Variants in CRACD observed in about 807,000 individuals in gnomAD.
CRACD encodes the protein capping protein inhibiting regulator of actin dynamics.
Under a neutral mutation model 106.8 loss-of-function variants are expected in CRACD, and 56 were observed. That is an observed-to-expected ratio of 0.52 (90% CI 0.42 to 0.66). The LOEUF (loss-of-function observed/expected upper bound fraction) is 0.66. Ranked by LOEUF, CRACD falls within the 30% of genes least tolerant of loss-of-function variation. The pLI, the probability that CRACD is intolerant of heterozygous loss-of-function variation, is 0.00. For missense variants in CRACD, 1,730 were observed against 1,623.2 expected, an observed-to-expected ratio of 1.07 and a Z score of -1.13; for synonymous variants, 754 against 670.8, an observed-to-expected ratio of 1.12 and a Z score of -1.92.
chr4:56,233,714 A>G (rs1349641526), intron 2 of CRACD, among the ~76,000 whole-genome samples: 1 of 152,182 alleles, frequency 6.6e-6, no homozygotes, highest in Non-Finnish European at 1.5e-5. Context: ...TGAATTTGAG[A>G]ATCAGTCAAC....
At chr4:56,125,009 A>T (rs556969834) in intron 1 of CRACD, among the ~76,000 whole-genome samples, 5 of 152,336 alleles carry the variant, frequency 3.3e-5, no homozygotes, top group African/African-American at 1.2e-4. Flanking sequence ...ACAGGTGTTC[A>T]AAAAATTAAT....
chr4:56,323,629 C>A, intron 9 of CRACD, 62 bp downstream of exon 9: 1 of 1,424,274 alleles, frequency 7.0e-7, no homozygotes, highest in South Asian at 1.5e-5. Flanking sequence ...TTTTCAGTCA[C>A]AAGGATACAA....
Position 56,099,973 on chromosome 4 carries a change from T to C in CRACD, c.-336+50674T>C, listed in dbSNP as rs568939896. On this transcript the variant is annotated intron_variant, in intron 1 of 10. Coordinates refer to ENST00000682029, the MANE Select transcript of CRACD (RefSeq NM_001393381.1). Reference sequence around the variant, plus strand: ...AATAAAGACAACTGGCCAGGCACGGTGGCTCATGCCTGTAATCCCAGCACT... The same window carrying C: ...AATAAAGACAACTGGCCAGGCACGGCGGCTCATGCCTGTAATCCCAGCACT... 5.3e-5 allele frequency among the ~76,000 whole-genome samples: 8 copies of C among 152,326 alleles called. 1 individual carries two copies. In the South Asian group the frequency reaches 1.7e-3, roughly 32 times the overall value.
rs536932326 is a variant in CRACD, at chr4:56,228,802, T to C, written c.-188-43519T>C. On this transcript the variant is annotated intron_variant, in intron 2 of 10. Transcript: ENST00000682029. ...CAGCAGAGAACATCTGATGATACTT[T>C]ATGTAGGTTAGTGAAAAGTATATTG... is the stretch of plus-strand genomic sequence containing the variant. Among the ~76,000 whole-genome samples, 10 of 152,158 alleles carry C rather than the reference T, an allele frequency of 6.6e-5. No homozygotes were observed. In the East Asian group the frequency reaches 1.9e-3, roughly 29 times the overall value.
intron 2 of CRACD, among the ~76,000 whole-genome samples, chr4:56,257,735 T>C (rs1409569046): frequency 6.6e-6 from 1 of 152,076 alleles, no homozygotes; most frequent in African/African-American, 2.4e-5. Flanking sequence ...CTTTTTCTGA[T>C]TCTGGAGAGA....
chr4:56,270,997 C>T (rs922038216), intron 2 of CRACD, among the ~76,000 whole-genome samples: 6 of 150,324 alleles, frequency 4.0e-5, no homozygotes, highest in East Asian at 2.0e-4. Flanking sequence ...CCCAGCTACT[C>T]GGGAGGCTGA....
chr4:56,112,173 A>G (rs1734141853), intron 1 of CRACD, among the ~76,000 whole-genome samples: 1 of 152,174 alleles, frequency 6.6e-6, no homozygotes, highest in South Asian at 2.1e-4. Context: ...ATCAAGCTGA[A>G]TTCTGCTTGC....
chr4:56,054,863 C>T (rs991013819), intron 1 of CRACD, among the ~76,000 whole-genome samples: 5 of 152,152 alleles, frequency 3.3e-5, no homozygotes, highest in African/African-American at 1.2e-4. Flanking sequence ...ATATTTCAGT[C>T]AGATTTTTAA....
At chr4:56,228,094 G>T (rs1033952749) in intron 2 of CRACD, among the ~76,000 whole-genome samples, 1 of 152,040 alleles carries the variant, frequency 6.6e-6, no homozygotes, top group Non-Finnish European at 1.5e-5. Context: ...GAGCCTTCCT[G>T]GTACCCCCGT....
chr4:56,293,514 G>A (rs939116792), intron 3 of CRACD, among the ~76,000 whole-genome samples: 1 of 152,188 alleles, frequency 6.6e-6, no homozygotes, highest in African/African-American at 2.4e-5. Context: ...CTGAGACTGG[G>A]TAATTTATAA....
chr4:56,218,764 T>A (rs1738874261), intron 2 of CRACD, among the ~76,000 whole-genome samples: 1 of 152,038 alleles, frequency 6.6e-6, no homozygotes, highest in South Asian at 2.1e-4. Context: ...TAAGCCACCA[T>A]GCCCAGCCTA....
rs527638010 is a variant in CRACD, at chr4:56,166,528, A to G, written c.-335-12756A>G. On this transcript the variant is annotated intron_variant, in intron 1 of 10. Transcript: ENST00000682029. Reference sequence around the variant, plus strand: ...AAACCCCGTCTCTACTAAAAATACAAAATTAGCTGGGTGTGGTGGTGCATG... The same window carrying G: ...AAACCCCGTCTCTACTAAAAATACAGAATTAGCTGGGTGTGGTGGTGCATG... Among the ~76,000 whole-genome samples the G allele has an allele frequency of 6.8e-4, 104 of 152,032 alleles. 1 individual carries two copies. The highest frequency in any genetic ancestry group is 3.0e-3 in the Admixed American group (46 of 15,276).
intron 4 of CRACD, among the ~76,000 whole-genome samples, chr4:56,302,143 G>A (rs1362907514): frequency 1.3e-5 from 2 of 152,220 alleles, no homozygotes; most frequent in African/African-American, 2.4e-5. Context: ...CACAAGGGGT[G>A]ATCTCAGGGC....
intron 2 of CRACD, among the ~76,000 whole-genome samples, chr4:56,253,204 G>C (rs748139585): frequency 8.5e-5 from 13 of 152,138 alleles, no homozygotes; most frequent in Non-Finnish European, 1.6e-4. Context: ...GGCCCTGAAG[G>C]TCATTTATTT....
chr4:56,096,439 G>A (rs1015517203), intron 1 of CRACD, among the ~76,000 whole-genome samples: 11 of 150,764 alleles, frequency 7.3e-5, no homozygotes, highest in Admixed American at 2.0e-4. Context: ...TGGGTTGGGC[G>A]TGGTGTCTCA....
At chr4:56,251,111 T>A (rs1741028641) in intron 2 of CRACD, among the ~76,000 whole-genome samples, 2 of 152,332 alleles carry the variant, frequency 1.3e-5, no homozygotes, top group South Asian at 4.1e-4. Flanking sequence ...CCTGATGGCA[T>A]ATAAATACTT....
At chr4:56,260,346 T>G (rs1403701675) in intron 2 of CRACD, among the ~76,000 whole-genome samples, 1 of 152,166 alleles carries the variant, frequency 6.6e-6, no homozygotes, top group African/African-American at 2.4e-5. Flanking sequence ...GGGAACGGGT[T>G]AGTGTGATTT....
chr4:56,274,664 C>T (rs1194721703), intron 3 of CRACD, among the ~76,000 whole-genome samples: 3 of 130,198 alleles, frequency 2.3e-5, no homozygotes, highest in African/African-American at 6.6e-5. Flanking sequence ...GAGACGTGTA[C>T]TATATTTTAA....
intron 1 of CRACD, among the ~76,000 whole-genome samples, chr4:56,078,365 A>G (rs1468539672): frequency 1.3e-5 from 2 of 152,170 alleles, no homozygotes; most frequent in African/African-American, 4.8e-5. Context: ...AATTGTTACT[A>G]GGTTTTAAGG....
Sources: allele counts gnomAD v4.1 joint callset (sites outside exome capture counted in the v4.1 genomes callset), GRCh38; gene constraint gnomAD v4.1.1; transcripts MANE v1.5; gene names NCBI Gene and HGNC (gene_info 2026-07-23, HGNC 2026-07-21).